The following NPL variants were observed in gnomAD, a reference collection of about 807,000 sequenced individuals.
NPL encodes the protein N-acetylneuraminate lyase.
Under a neutral mutation model 41.1 loss-of-function variants are expected in NPL, and 32 were observed. The ratio of observed to expected loss-of-function variants is 0.78; its 90% CI spans 0.59 to 1.05. The LOEUF (loss-of-function observed/expected upper bound fraction) is 1.05, where lower values mean the gene tolerates loss of function less well. Ranked by LOEUF, NPL falls within the 50% of genes least tolerant of loss-of-function variation. The pLI is 0.00. For synonymous variants in NPL, 128 were observed against 134.9 expected, an observed-to-expected ratio of 0.95 and a Z score of 0.35; for missense variants, 321 against 378.4, an observed-to-expected ratio of 0.85 and a Z score of 1.26.
At chr1:182,809,781 C>T (rs931431152) in intron 5 of NPL, 2 of 152,116 alleles carry the variant, frequency 1.3e-5, no homozygotes, top group African/African-American at 2.4e-5. Context: ...CCAGAAGGCT[C>T]GTTGGAGCCT....
At position 182,829,975 on chromosome 1, in the gene NPL, A is replaced by C; in HGVS notation, c.*1067A>C. On this transcript the variant is annotated 3_prime_UTR_variant, in exon 13 of 13. Transcript: ENST00000367553. ...GACAGTTAACCCTTACTGATTTTAA[A>C]CTTGACTATCCAGTCTGTTAATTAC... 4.5e-6 allele frequency: 1 copy of C among 220,848 alleles called. No individual in the cohort carries two copies. The allele number at this position is 220,848 out of a possible 1,614,324, so 13.7% of individuals were successfully genotyped here. A position where few individuals can be genotyped will look rare whatever the true frequency, so the allele number is the denominator to read the frequency against.
At chr1:182,808,883 C>T (rs758387281) in intron 5 of NPL, among the ~76,000 whole-genome samples, 5 of 150,468 alleles carry the variant, frequency 3.3e-5, no homozygotes, top group Non-Finnish European at 7.4e-5. Flanking sequence ...CACTTGAGCC[C>T]GGGGTGACAG....
At chr1:182,811,350 C>T (rs1667170306) in intron 5 of NPL, among the ~76,000 whole-genome samples, 2 of 151,930 alleles carry the variant, frequency 1.3e-5, no homozygotes, top group African/African-American at 2.4e-5. Context: ...CATCTCAGCC[C>T]CCAAGTAGCT....
At chr1:182,824,923 AT>A (rs1400925483) in intron 11 of NPL, among the ~76,000 whole-genome samples, 1 of 152,218 alleles carries the variant, frequency 6.6e-6, no homozygotes, top group Non-Finnish European at 1.5e-5. Flanking sequence ...CATCAATACT[AT>A]TTTTGTTTTT....
intron 11 of NPL, among the ~76,000 whole-genome samples, chr1:182,825,279 G>T (rs1180154785): frequency 6.6e-6 from 1 of 152,158 alleles, no homozygotes; most frequent in East Asian, 1.9e-4. Flanking sequence ...AGGGGAAACA[G>T]AAAAGAACAA....
rs1324491669 is a variant in NPL, at chr1:182,830,367, CAAAG to C, written c.*1462_*1465del. The C allele has an allele frequency of 2.6e-5, 4 of 152,154 alleles. No homozygotes were observed. The highest frequency in any genetic ancestry group is 5.9e-5 in the Non-Finnish European group (4 of 68,012). 9.4% of individuals were successfully genotyped at this position (152,154 alleles called of 1,614,324 possible). A position where few individuals can be genotyped will look rare whatever the true frequency, so the allele number is the denominator to read the frequency against. On this transcript the variant is annotated 3_prime_UTR_variant, in exon 13 of 13. Transcript: ENST00000367553. ...AATTAATTCTTGGGTATCCAATAAA[CAAAG>C]AACTATTTTTCTATTTTTGCTTTTG...
At chr1:182,801,491 G>A (rs1270093692) in intron 3 of NPL, among the ~76,000 whole-genome samples, 1 of 152,082 alleles carries the variant, frequency 6.6e-6, no homozygotes, top group Non-Finnish European at 1.5e-5. Context: ...CCTGCCTAAG[G>A]GTGCAGCCAA....
At chr1:182,813,821 C>T (rs892632176) in intron 6 of NPL, among the ~76,000 whole-genome samples, 1 of 152,190 alleles carries the variant, frequency 6.6e-6, no homozygotes, top group Non-Finnish European at 1.5e-5. Flanking sequence ...TCCTTGCTTT[C>T]AGCTAAGGTT....
At chr1:182,799,560 C>T (rs1305706391) in intron 3 of NPL, among the ~76,000 whole-genome samples, 1 of 151,104 alleles carries the variant, frequency 6.6e-6, no homozygotes, top group Non-Finnish European at 1.5e-5. Context: ...ATTGTATGTA[C>T]TTTCTAAAGT....
intron 2 of NPL, among the ~76,000 whole-genome samples, chr1:182,793,843 G>T (rs892084177): frequency 6.6e-6 from 1 of 152,118 alleles, no homozygotes; most frequent in African/African-American, 2.4e-5. Flanking sequence ...AAGTGTGCAG[G>T]TCCATTTACA....
At chr1:182,822,904 T>C (rs1667528197) in intron 11 of NPL, among the ~76,000 whole-genome samples, 1 of 152,224 alleles carries the variant, frequency 6.6e-6, no homozygotes, top group African/African-American at 2.4e-5. Flanking sequence ...TCTTGCTCTG[T>C]TGCCCAGGCT....
intron 5 of NPL, chr1:182,806,612 A>G: frequency 4.1e-6 from 6 of 1,459,674 alleles, no homozygotes; most frequent in Non-Finnish European, 5.5e-6. Flanking sequence ...CCTTCTTGGG[A>G]TGAGCGCCTG....
At chr1:182,813,275 A>G (rs1667232032) in intron 6 of NPL, among the ~76,000 whole-genome samples, 1 of 152,088 alleles carries the variant, frequency 6.6e-6, no homozygotes, top group Non-Finnish European at 1.5e-5. Flanking sequence ...GATTACAATG[A>G]CTTTTTCTGG....
rs367867261 is a variant in NPL at position 182,828,217 on chromosome 1, T to C, written c.779-507T>C. On this transcript the variant is annotated intron_variant, in intron 12 of 12. Transcript: ENST00000367553. This position sits in a 1 kb window ranked among gnomAD's most constrained non-coding sequence, Gnocchi z 4.0. ...ATAGATCTAAGGCTTCATTTTCCAT[T>C]CCCATCCCAGCCGTATAACACCAGC... Among the ~76,000 whole-genome samples the C allele has an allele frequency of 2.0e-5, 3 of 152,260 alleles. No individual in the cohort carries two copies. Among genetic ancestry groups the C allele is most frequent in the East Asian group, 3.9e-4 (2 of 5,184 alleles).
chr1:182,817,037 G>A (rs1667354125), intron 8 of NPL, among the ~76,000 whole-genome samples: 1 of 152,064 alleles, frequency 6.6e-6, no homozygotes, highest in African/African-American at 2.4e-5. Flanking sequence ...TGATCTCTGG[G>A]CACTTGTAGC....
At chr1:182,817,652 AG>A (rs1667370620) in intron 8 of NPL, among the ~76,000 whole-genome samples, 1 of 152,210 alleles carries the variant, frequency 6.6e-6, no homozygotes, top group Non-Finnish European at 1.5e-5. Context: ...GCTATAAATC[AG>A]GGTTCCAATT....
Position 182,814,828 on chromosome 1 carries a change from G to A in NPL, c.334G>A (p.Ala112Thr). The A allele has an allele frequency of 6.2e-7, 1 of 1,614,036 alleles. No homozygotes were observed. Among genetic ancestry groups the A allele is most frequent in the Non-Finnish European group, 8.5e-7 (1 of 1,179,934 alleles). ...EIGADGIAVI[A>T]PFFLKPWTKD... is the part of the protein sequence containing the mutation. ...AGGAGCTGATGGCATCGCTGTCATT[G>A]CACCGTTCTTCCTCAAGCCATGGAC... The change falls in exon 7 of 13, where the codon GCA (alanine) becomes ACA (threonine). Residue 112 changes from alanine to threonine, a missense_variant. Transcript: ENST00000367553.
chr1:182,818,888 T>C, intron 10 of NPL, 29 bp downstream of exon 10: 1 of 1,605,118 alleles, frequency 6.2e-7, no homozygotes, highest in Non-Finnish European at 8.5e-7. Context: ...TCCCAGTGGT[T>C]ATAAAGTCCC....
intron 5 of NPL, 136 bp downstream of exon 5, chr1:182,806,368 GC>G (rs767825631): frequency 9.7e-6 from 15 of 1,549,790 alleles, no homozygotes; most frequent in African/African-American, 1.4e-5. Flanking sequence ...GATGAGCAGG[GC>G]CCCCGGGATC....
Sources: gnomAD v4.1 joint callset for allele counts (sites outside exome capture counted in the v4.1 genomes callset) on GRCh38, gnomAD v4.1.1 for gene constraint, Gnocchi (gnomAD v3.1) non-coding constraint, MANE v1.5 for transcripts, NCBI Gene and HGNC (gene_info 2026-07-23, HGNC 2026-07-21) for gene names.